HAPLN1: variants seen among roughly 807,000 people sequenced by gnomAD.
The protein encoded by HAPLN1 is hyaluronan and proteoglycan link protein 1, also known as Cartilage link protein.
Under a neutral mutation model 36.5 loss-of-function variants are expected in HAPLN1, and 13 were observed. The observed-to-expected ratio is 0.36, with a 90% CI of 0.23 to 0.57. The LOEUF (loss-of-function observed/expected upper bound fraction) is 0.57. Ranked by LOEUF, HAPLN1 falls within the 20% of genes least tolerant of loss-of-function variation. The pLI, the probability that HAPLN1 is intolerant of heterozygous loss-of-function variation, is 0.83. For synonymous variants in HAPLN1, 202 were observed against 169.8 expected, an observed-to-expected ratio of 1.19 and a Z score of -1.48; for missense variants, 407 against 439.7, an observed-to-expected ratio of 0.93 and a Z score of 0.66.
At chr5:83,720,196 A>G (rs143435197) in intron 1 of HAPLN1, among the ~76,000 whole-genome samples, 37 of 152,318 alleles carry the variant, frequency 2.4e-4, no homozygotes, top group African/African-American at 8.9e-4. Flanking sequence ...CAAATTATCC[A>G]TCAACATCAT....
At chr5:83,651,852 G>C (rs1009231617) in intron 3 of HAPLN1, among the ~76,000 whole-genome samples, 1 of 151,048 alleles carries the variant, frequency 6.6e-6, no homozygotes, top group Non-Finnish European at 1.5e-5. Context: ...ACACATGTTG[G>C]TTATTGAACC....
rs765618830 is a variant in HAPLN1 at position 83,652,670 on chromosome 5, A to C, written c.255T>G (p.Thr85=). The C allele has an allele frequency of 6.2e-7, 1 of 1,614,114 alleles. No homozygotes were observed. The highest frequency in any genetic ancestry group is 1.1e-5 in the South Asian group (1 of 91,084). The change falls in exon 3 of 5, where the codon ACT becomes ACG. Residue 85 remains threonine (T), a synonymous_variant. Transcript: ENST00000274341. ...CATCCACTTCCTTGAGGTAATCCGA[A>C]GTTAGCTTGGTCCACTTAATTCGGA... ...HKIRIKWTKL[T]SDYLKEVDVF...
intron 1 of HAPLN1, among the ~76,000 whole-genome samples, chr5:83,713,061 G>T (rs1014927206): frequency 6.6e-6 from 1 of 152,052 alleles, no homozygotes. Context: ...TAAACAACAT[G>T]GGCTATGGTT....
At chr5:83,688,002 A>G (rs1751173113) in intron 1 of HAPLN1, among the ~76,000 whole-genome samples, 1 of 152,150 alleles carries the variant, frequency 6.6e-6, no homozygotes, top group African/African-American at 2.4e-5. Context: ...TTGCTTTCAT[A>G]TCTGCCCATT....
At chr5:83,663,643 C>T (rs780821121) in intron 2 of HAPLN1, among the ~76,000 whole-genome samples, 8 of 152,158 alleles carry the variant, frequency 5.3e-5, no homozygotes, top group Non-Finnish European at 7.4e-5. Context: ...CCTCCTCCCT[C>T]GCCCAAATCT....
chr5:83,653,071 A>G (rs1222091640), intron 2 of HAPLN1, among the ~76,000 whole-genome samples: 1 of 152,178 alleles, frequency 6.6e-6, no homozygotes, highest in East Asian at 1.9e-4. Context: ...AATGTTGGAT[A>G]TAAAACTCCA....
At chr5:83,660,519 A>C (rs1750355801) in intron 2 of HAPLN1, among the ~76,000 whole-genome samples, 1 of 152,146 alleles carries the variant, frequency 6.6e-6, no homozygotes, top group South Asian at 2.1e-4. Context: ...TAGGAAGTCA[A>C]CTGAACATAG....
intron 1 of HAPLN1, among the ~76,000 whole-genome samples, chr5:83,705,159 G>A (rs1355443712): frequency 6.6e-6 from 1 of 152,138 alleles, no homozygotes; most frequent in Admixed American, 6.5e-5. Context: ...GGAGGCTGAG[G>A]CAGCTGGATT....
intron 2 of HAPLN1, among the ~76,000 whole-genome samples, chr5:83,654,878 C>T (rs912540622): frequency 2.6e-5 from 4 of 152,130 alleles, no homozygotes; most frequent in African/African-American, 7.2e-5. Context: ...GCCCTAATTT[C>T]CTTATATGTG....
chr5:83,709,671 A>C (rs1412982010), intron 1 of HAPLN1, among the ~76,000 whole-genome samples: 2 of 152,222 alleles, frequency 1.3e-5, no homozygotes, highest in Admixed American at 6.5e-5. Flanking sequence ...AAGCCAGGTC[A>C]CTAAGAACCT....
At chr5:83,648,395 C>CTATATATATATATATA (rs56115447) in intron 3 of HAPLN1, among the ~76,000 whole-genome samples, 8 of 60,664 alleles carry the variant, frequency 1.3e-4, no homozygotes, top group Admixed American at 2.2e-4. Context: ...CTATATTTGA[C>CTATATATATATATATA]TATATATATA....
At chr5:83,679,586 T>C (rs1183295016) in intron 1 of HAPLN1, among the ~76,000 whole-genome samples, 1 of 152,208 alleles carries the variant, frequency 6.6e-6, no homozygotes, top group Non-Finnish European at 1.5e-5. Flanking sequence ...TTTATTACAT[T>C]ATATGATATT....
At chr5:83,718,047 T>G (rs776449569) in intron 1 of HAPLN1, among the ~76,000 whole-genome samples, 1 of 152,204 alleles carries the variant, frequency 6.6e-6, no homozygotes, top group South Asian at 2.1e-4. Flanking sequence ...TTTAAGATGG[T>G]CAAACTCTTT....
chr5:83,664,401 G>A (rs1389927201), intron 2 of HAPLN1, among the ~76,000 whole-genome samples: 1 of 148,524 alleles, frequency 6.7e-6, no homozygotes, highest in Non-Finnish European at 1.5e-5. Flanking sequence ...GTTTTTTTTT[G>A]AGCCCTAGTC....
intron 2 of HAPLN1, among the ~76,000 whole-genome samples, chr5:83,668,701 C>T (rs1037126292): frequency 3.3e-5 from 5 of 152,164 alleles, no homozygotes; most frequent in African/African-American, 9.7e-5. Flanking sequence ...TGTTCACTCA[C>T]TTATTCAACA....
intron 1 of HAPLN1, among the ~76,000 whole-genome samples, chr5:83,689,850 T>A (rs1000443830): frequency 6.6e-6 from 1 of 152,128 alleles, no homozygotes; most frequent in Non-Finnish European, 1.5e-5. Context: ...AACCCAAATA[T>A]ATAAACTTAA....
At chr5:83,704,392 C>A in intron 1 of HAPLN1, among the ~76,000 whole-genome samples, 1 of 152,040 alleles carries the variant, frequency 6.6e-6, no homozygotes, top group East Asian at 1.9e-4. Context: ...AGGATCAAAT[C>A]CACATATATC....
chr5:83,693,376 G>A (rs936871715), intron 1 of HAPLN1, among the ~76,000 whole-genome samples: 1 of 151,660 alleles, frequency 6.6e-6, no homozygotes, highest in Non-Finnish European at 1.5e-5. Flanking sequence ...TGGAATTTTT[G>A]GAAAATATTC....
chr5:83,655,599 G>T (rs1750186923), intron 2 of HAPLN1, among the ~76,000 whole-genome samples: 2 of 151,906 alleles, frequency 1.3e-5, no homozygotes, highest in African/African-American at 2.4e-5. Context: ...CCCTAGCAAA[G>T]GTATGTAACA....
Sources: gnomAD v4.1 joint callset for allele counts (sites outside exome capture counted in the v4.1 genomes callset) on GRCh38, gnomAD v4.1.1 for gene constraint, MANE v1.5 for transcripts, NCBI Gene and HGNC (gene_info 2026-07-23, HGNC 2026-07-21) for gene names.